The following KLF15 variants were observed in gnomAD, a reference collection of about 807,000 sequenced individuals.
KLF15 encodes the protein Krueppel-like factor 15.
KLF15 carries 4 observed loss-of-function variants against 24.6 expected under a neutral mutation model. That is an observed-to-expected ratio of 0.16 (90% CI 0.08 to 0.37). The LOEUF is 0.37. Ranked by LOEUF, KLF15 falls within the 10% of genes least tolerant of loss-of-function variation. The probability of loss-of-function intolerance (pLI) is 1.00; values close to 1 mark genes in which losing one functional copy is unlikely to be tolerated. For missense variants in KLF15, 496 were observed against 560.6 expected (o/e 0.88, Z 1.16); for synonymous variants, 246 against 236.3 (o/e 1.04, Z -0.37).
chr3:126,290,376 C>A, the KLF15 span, among the ~76,000 whole-genome samples: 1 of 152,174 alleles, frequency 6.6e-6, no homozygotes. Flanking sequence ...CAGCCCAGCC[C>A]CTGGAAGAGG....
At position 126,349,127 on chromosome 3, in the gene KLF15, C is replaced by T. The variant is rs529438320; in HGVS notation, c.1082+2714G>A. On this transcript the variant is annotated intron_variant, in intron 2 of 2. Transcript: ENST00000296233. ...TGAAGACTATCACCACATTAAGAGACACAAGCAGACTGGGCACATCCCCAG... is the reference window on the plus strand; with the variant it reads ...TGAAGACTATCACCACATTAAGAGATACAAGCAGACTGGGCACATCCCCAG... Among the ~76,000 whole-genome samples, 7 of 152,266 alleles carry T rather than the reference C, an allele frequency of 4.6e-5. No individual in the cohort carries two copies. In the South Asian group the frequency reaches 1.0e-3, roughly 23 times the overall value.
Position 126,343,599 on chromosome 3 carries a change from C to A in KLF15, c.*128G>T. On this transcript the variant is annotated 3_prime_UTR_variant, in exon 3 of 3. Coordinates refer to ENST00000296233, the MANE Select transcript of KLF15 (RefSeq NM_014079.4). ...TTGGCGGGCCCTGGGTTCACACCTCCCAGGCTTCAGAAGGTGGGCTGGTAA... is the reference window on the plus strand; with the variant it reads ...TTGGCGGGCCCTGGGTTCACACCTCACAGGCTTCAGAAGGTGGGCTGGTAA... The A allele has an allele frequency of 1.0e-6, 1 of 975,516 alleles. No individual in the cohort carries two copies. 60.4% of individuals were successfully genotyped at this position (975,516 alleles called of 1,614,324 possible). A position where few individuals can be genotyped will look rare whatever the true frequency, so the allele number is the denominator to read the frequency against.
intron 2 of KLF15, among the ~76,000 whole-genome samples, chr3:126,344,419 G>C (rs924547016): frequency 1.3e-5 from 2 of 152,314 alleles, no homozygotes; most frequent in South Asian, 4.1e-4. Flanking sequence ...TGGCACAGTG[G>C]GCATTCTCTG....
downstream of KLF15, among the ~76,000 whole-genome samples, chr3:126,338,698 C>CA (rs1193274436): frequency 1.3e-5 from 2 of 152,322 alleles, no homozygotes. Flanking sequence ...GTTTTAAACA[C>CA]ATTTGCAATG....
At chr3:126,301,057 T>C in the KLF15 span, among the ~76,000 whole-genome samples, 1 of 152,068 alleles carries the variant, frequency 6.6e-6, no homozygotes, top group Non-Finnish European at 1.5e-5. Context: ...ACATGGGAAG[T>C]TTCACTTCGC....
the KLF15 span, among the ~76,000 whole-genome samples, chr3:126,305,985 TCACTTTGACCACAC>T: frequency 6.6e-6 from 1 of 152,146 alleles, no homozygotes; most frequent in Non-Finnish European, 1.5e-5. Flanking sequence ...CTCCTGCAAA[TCACTTTGACCACAC>T]AAGCTTCTTT....
At chr3:126,342,341 T>A (rs1410450256), downstream of KLF15, among the ~76,000 whole-genome samples, 1 of 152,168 alleles carries the variant, frequency 6.6e-6, no homozygotes, top group Non-Finnish European at 1.5e-5. Context: ...CTCGCAGGAC[T>A]GGCCAGGCCT....
At chr3:126,328,588 C>G in the KLF15 span, among the ~76,000 whole-genome samples, 1 of 152,156 alleles carries the variant, frequency 6.6e-6, no homozygotes, top group African/African-American at 2.4e-5. Context: ...TCCAAGCCAA[C>G]ATCTACTGTT....
In KLF15 at chr3:126,351,883, C is replaced by T. The variant is rs781449612; in HGVS notation, c.1040G>A (p.Gly347Asp). The part of the protein sequence containing the change: ...HLKAHLRRHT[G>D]EKPFACTWPG... ...CCAGGTGCAGGCGAAGGGCTTCTCA[C>T]CCGTGTGCCGGCGCAGGTGGGCCTT... Residue 347 changes from glycine (G) to aspartate (D), a missense_variant, in exon 2 of 3, where the codon GGT becomes GAT. By Grantham distance (94) the Gly-to-Asp change is moderately conservative (BLOSUM62 -1). This residue lies in a region of KLF15 where 59 missense variants were observed against 106.1 expected (regional missense o/e 0.56). Transcript: ENST00000296233. The T allele has an allele frequency of 1.2e-6, 2 of 1,614,098 alleles. No individual in the cohort carries two copies. Among genetic ancestry groups the T allele is most frequent in the Admixed American group, 1.7e-5 (1 of 60,012 alleles).
chr3:126,292,194 G>A, the KLF15 span, among the ~76,000 whole-genome samples: 1 of 152,168 alleles, frequency 6.6e-6, no homozygotes, highest in Non-Finnish European at 1.5e-5. Context: ...TGGCTCCAGG[G>A]AAGCACAGGG....
chr3:126,290,495 T>TCTTC, the KLF15 span, among the ~76,000 whole-genome samples: 116 of 107,272 alleles, frequency 1.1e-3, no homozygotes, highest in Middle Eastern at 0.01. Context: ...TTCCTTCCTT[T>TCTTC]CTTCCTTCCT....
the KLF15 span, among the ~76,000 whole-genome samples, chr3:126,291,969 C>G: frequency 6.6e-6 from 1 of 152,246 alleles, no homozygotes; most frequent in Non-Finnish European, 1.5e-5. Context: ...TTTCTGTGGC[C>G]TGCTGCCATC....
intron 2 of KLF15, among the ~76,000 whole-genome samples, chr3:126,346,442 C>A (rs2082536362): frequency 6.6e-6 from 1 of 152,200 alleles, no homozygotes; most frequent in Non-Finnish European, 1.5e-5. Context: ...TCCCACCCCA[C>A]TGGGTGCCCT....
chr3:126,323,967 C>T, the KLF15 span, among the ~76,000 whole-genome samples: 101 of 149,974 alleles, frequency 6.7e-4, no homozygotes, highest in African/African-American at 2.5e-3. Context: ...TCCAGTTTAT[C>T]ATTGATGGGC....
the KLF15 span, among the ~76,000 whole-genome samples, chr3:126,301,380 G>T: frequency 0.025 from 3,761 of 152,232 alleles, 110 homozygotes; most frequent in African/African-American, 0.075. Flanking sequence ...CCTCAAATCA[G>T]ATCTGCTCTT....
the KLF15 span, among the ~76,000 whole-genome samples, chr3:126,318,316 A>G: frequency 5.9e-5 from 9 of 152,190 alleles, no homozygotes; most frequent in Non-Finnish European, 1.2e-4. Flanking sequence ...TCTTCCCCTC[A>G]TTCCCTTCCA....
In KLF15 at chr3:126,343,616, G is replaced by A; in HGVS notation, c.*111C>T. The A allele has an allele frequency of 1.8e-6, 2 of 1,092,588 alleles. No homozygotes were observed. Among genetic ancestry groups the A allele is most frequent in the Non-Finnish European group, 2.7e-6 (2 of 753,038 alleles). 67.7% of individuals were successfully genotyped at this position (1,092,588 alleles called of 1,614,324 possible). On this transcript the variant is annotated 3_prime_UTR_variant, in exon 3 of 3. Transcript: ENST00000296233. The stretch of plus-strand genomic sequence containing the variant: ...CACACCTCCCAGGCTTCAGAAGGTG[G>A]GCTGGTAACATTGCCATGTCCCTCT...
chr3:126,328,713 C>G, the KLF15 span, among the ~76,000 whole-genome samples: 1 of 152,196 alleles, frequency 6.6e-6, no homozygotes, highest in Non-Finnish European at 1.5e-5. Flanking sequence ...ACTCTTTCCC[C>G]CATGCTTGGA....
the KLF15 span, among the ~76,000 whole-genome samples, chr3:126,305,005 T>A: frequency 0.34 from 51,848 of 152,118 alleles, 9,640 homozygotes; most frequent in Non-Finnish European, 0.43. Flanking sequence ...GTGACTAAGT[T>A]CTGGTAGATG....
Sources: gnomAD v4.1 joint callset for allele counts (sites outside exome capture counted in the v4.1 genomes callset) on GRCh38, gnomAD v4.1.1 for gene constraint, gnomAD v4.1.1 regional missense constraint, MANE v1.5 for transcripts, NCBI Gene and HGNC (gene_info 2026-07-23, HGNC 2026-07-21) for gene names.